The following ADAMTS15 variants were observed in gnomAD, a reference collection of about 807,000 sequenced individuals.
ADAMTS15 encodes A disintegrin and metalloproteinase with thrombospondin motifs 15.
Under a neutral mutation model 79.1 loss-of-function variants are expected in ADAMTS15, and 35 were observed. The ratio of observed to expected loss-of-function variants is 0.44; its 90% CI spans 0.34 to 0.59. The LOEUF (loss-of-function observed/expected upper bound fraction) is 0.59, where lower values mean the gene tolerates loss of function less well. ADAMTS15 is among the 20% of genes least tolerant of loss of function. The pLI is 0.02. For missense variants in ADAMTS15, 1,324 were observed against 1,318.7 expected (o/e 1.00, Z -0.06); for synonymous variants, 616 against 567.3 (o/e 1.09, Z -1.22).
chr11:130,468,561 C>A (rs1216366979), intron 4 of ADAMTS15, among the ~76,000 whole-genome samples: 1 of 151,514 alleles, frequency 6.6e-6, no homozygotes, highest in African/African-American at 2.4e-5. Flanking sequence ...GTCAGGAGAT[C>A]GAGACCTTCC....
At chr11:130,467,022 C>G (rs4471430) in intron 4 of ADAMTS15, among the ~76,000 whole-genome samples, 26,223 of 152,176 alleles carry the variant, frequency 0.17, 2,890 homozygotes, top group African/African-American at 0.31. Context: ...TCTGTCTCCC[C>G]ACTAGGGAGT....
intron 5 of ADAMTS15, 133 bp from the exon 6 acceptor site, chr11:130,470,787 G>A (rs7926619): frequency 0.12 from 117,256 of 982,594 alleles, 7,716 homozygotes; most frequent in Non-Finnish European, 0.14. Context: ...CTTTCAGATG[G>A]GGGGAGGTTG....
At chr11:130,450,558 C>T (rs1246992458) in intron 1 of ADAMTS15, among the ~76,000 whole-genome samples, 3 of 152,210 alleles carry the variant, frequency 2.0e-5, no homozygotes, top group South Asian at 4.1e-4. Flanking sequence ...GCTTCTCCTA[C>T]AGACTTCTCT....
chr11:130,473,624 G>A lies in ADAMTS15; in HGVS notation c.2656G>A (p.Glu886Lys). 4 of 1,609,680 alleles carry A rather than the reference G, an allele frequency of 2.5e-6. No individual in the cohort carries two copies. Among genetic ancestry groups the A allele is most frequent in the Non-Finnish European group, 3.4e-6 (4 of 1,179,776 alleles). ...PACDAAHRPV[E>K]TQACGEPCPT... ...CTGTGATGCAGCCCATCGGCCCGTG[G>A]AGACACAAGCCTGCGGGGAGCCCTG... is the stretch of plus-strand genomic sequence containing the variant. Residue 886 changes from glutamate to lysine, a missense_variant, in exon 8 of 8, where the codon GAG (glutamate) becomes AAG (lysine). By Grantham distance (56) the Glu-to-Lys change is moderately conservative (BLOSUM62 1). Transcript: ENST00000299164.
At chr11:130,460,675 C>G (rs971397593) in intron 1 of ADAMTS15, among the ~76,000 whole-genome samples, 1 of 152,158 alleles carries the variant, frequency 6.6e-6, no homozygotes, top group African/African-American at 2.4e-5. Context: ...TTCTGGCCAA[C>G]GATGCTCAGT....
At chr11:130,458,712 T>C (rs1307693480) in intron 1 of ADAMTS15, among the ~76,000 whole-genome samples, 1 of 152,286 alleles carries the variant, frequency 6.6e-6, no homozygotes, top group East Asian at 1.9e-4. Context: ...GACCGGAATC[T>C]AGACTTCTTG....
chr11:130,473,610 C>T lies in ADAMTS15; in HGVS notation c.2642C>T (p.Ala881Val). The change falls in exon 8 of 8, where the codon GCC becomes GTC. Residue 881 changes from alanine to valine, a missense_variant. Ala to Val is a moderately conservative substitution (Grantham distance 64). Transcript: ENST00000299164. ...GQRTVPACDA[A>V]HRPVETQACG... ...CGCACGGTCCCTGCCTGTGATGCAG[C>T]CCATCGGCCCGTGGAGACACAAGCC... 2 of 1,609,640 alleles carry T rather than the reference C, an allele frequency of 1.2e-6. No individual in the cohort carries two copies. The highest frequency in any genetic ancestry group is 1.7e-6 in the Non-Finnish European group (2 of 1,179,316).
At chr11:130,470,148 ATATG>A (rs1230382882) in intron 5 of ADAMTS15, among the ~76,000 whole-genome samples, 1 of 59,584 alleles carries the variant, frequency 1.7e-5, no homozygotes, top group Non-Finnish European at 3.1e-5. Context: ...ATATATATAT[ATATG>A]TGTATATATA....
chr11:130,465,375 A>T (rs1376679623), intron 4 of ADAMTS15, among the ~76,000 whole-genome samples: 7 of 152,124 alleles, frequency 4.6e-5, no homozygotes, highest in African/African-American at 1.7e-4. Context: ...GACATCGCTG[A>T]TCAATTCTCT....
At chr11:130,463,735 G>A (rs1938249763) in intron 4 of ADAMTS15, among the ~76,000 whole-genome samples, 1 of 152,180 alleles carries the variant, frequency 6.6e-6, no homozygotes, top group African/African-American at 2.4e-5. Context: ...AACCCACTGT[G>A]TTCAGGGAAC....
At position 130,473,641 on chromosome 11, in the gene ADAMTS15, G is replaced by T; in HGVS notation, c.2673G>T (p.Gly891=). 6.2e-7 allele frequency: 1 copy of T among 1,608,152 alleles called. No individual in the cohort carries two copies. ...GGCCCGTGGAGACACAAGCCTGCGG[G>T]GAGCCCTGCCCCACCTGGGAGCTCA... ...AHRPVETQAC[G]EPCPTWELSA... is the part of the protein sequence containing the mutation. The change falls in exon 8 of 8, where the codon GGG becomes GGT. Residue 891 remains glycine (G), a synonymous_variant. Transcript: ENST00000299164.
rs540440832 is a variant in ADAMTS15 at position 130,473,926 on chromosome 11, G to C, written c.*105G>C. 1.4e-6 allele frequency: 2 copies of C among 1,396,028 alleles called. No homozygotes were observed. The highest frequency in any genetic ancestry group is 5.0e-5 in the East Asian group (2 of 39,952). The allele number at this position is 1,396,028 out of a possible 1,614,324, so 86.5% of individuals were successfully genotyped here. On this transcript the variant is annotated 3_prime_UTR_variant, in exon 8 of 8. Transcript: ENST00000299164. ...GACGGTGGCCAGGGGCTCACGCCAC[G>C]ATGTCACCCACATCCGGGGACAAGG... is the stretch of plus-strand genomic sequence containing the variant.
chr11:130,449,674 A>G lies in ADAMTS15; in HGVS notation c.701A>G (p.His234Arg), dbSNP rs1279607852. Residue 234 changes from histidine to arginine, a missense_variant, in exon 1 of 8, where the codon CAC (histidine) becomes CGC (arginine). By Grantham distance (29) the His-to-Arg change is conservative. Transcript: ENST00000299164. The surrounding 1 kb of genome is among the most constrained non-coding windows in gnomAD (Gnocchi z 7.8). Reference sequence around the variant, plus strand: ...GCGGACGAGTCAATGGTCAAGTTCCACGGCGCGGACCTGGAACATTATCTG... The same window carrying G: ...GCGGACGAGTCAATGGTCAAGTTCCGCGGCGCGGACCTGGAACATTATCTG... ...VVADESMVKF[H>R]GADLEHYLLT... is the part of the protein sequence containing the mutation. The G allele has an allele frequency of 1.2e-5, 19 of 1,602,058 alleles. No individual in the cohort carries two copies. The East Asian group carries it at 4.3e-4, about 36-fold the overall frequency.
At chr11:130,456,988 T>A (rs1938094445) in intron 1 of ADAMTS15, among the ~76,000 whole-genome samples, 1 of 152,044 alleles carries the variant, frequency 6.6e-6, no homozygotes, top group African/African-American at 2.4e-5. Flanking sequence ...ATCCCAGCAC[T>A]TTGGGAGGCT....
rs1372399275 is a variant in ADAMTS15, at chr11:130,449,422, A to G, written c.449A>G (p.Asn150Ser). ...GCTAGCGCGCCGGCGGCGCAGCGCA[A>G]CAGCCAGGGCGCACACCTTCTCCAG... ...PNASAPAAQR[N>S]SQGAHLLQRR... is the part of the protein sequence containing the mutation. The change falls in exon 1 of 8, where the codon AAC becomes AGC. Residue 150 changes from asparagine (N) to serine (S), a missense_variant. Coordinates refer to ENST00000299164, the MANE Select transcript of ADAMTS15 (RefSeq NM_139055.4). This position sits in a 1 kb window ranked among gnomAD's most constrained non-coding sequence, Gnocchi z 7.8. 2.5e-6 allele frequency: 4 copies of G among 1,596,220 alleles called. No individual in the cohort carries two copies. The highest frequency in any genetic ancestry group is 3.4e-6 in the Non-Finnish European group (4 of 1,176,270).
rs1016729182 is a variant in ADAMTS15, at chr11:130,473,376, A to C, written c.2408A>C (p.Glu803Ala). The stretch of plus-strand genomic sequence containing the variant: ...CGCTACTCCTTCTATCTGCCCAAAG[A>C]GCCTCGGGAGGACAAGTCCTCTCAT... ...RVRYSFYLPK[E>A]PREDKSSHPK... The change falls in exon 8 of 8, where the codon GAG (glutamate) becomes GCG (alanine). Residue 803 changes from glutamate to alanine, a missense_variant. Glu to Ala is a moderately radical substitution (Grantham distance 107). Coordinates refer to ENST00000299164, the MANE Select transcript of ADAMTS15 (RefSeq NM_139055.4). The C allele has an allele frequency of 2.5e-6, 4 of 1,612,800 alleles. No individual in the cohort carries two copies. Among genetic ancestry groups the C allele is most frequent in the South Asian group, 1.1e-5 (1 of 91,082 alleles).
At chr11:130,461,309 G>T (rs1003753379) in intron 1 of ADAMTS15, among the ~76,000 whole-genome samples, 180 bp from the exon 2 acceptor site, 3 of 152,188 alleles carry the variant, frequency 2.0e-5, no homozygotes, top group Non-Finnish European at 4.4e-5. Context: ...CAGCCAGGTT[G>T]ATTCTGTGAA....
In ADAMTS15 at chr11:130,448,966, C is replaced by A; in HGVS notation, c.-8C>A. On this transcript the variant is annotated 5_prime_UTR_variant, in exon 1 of 8. Transcript: ENST00000299164. ...TTCCCACAGCGCGGCGGTGCGCTGC[C>A]CGGCGCCATGCTTCTGCTGGGCATC... The A allele has an allele frequency of 6.7e-7, 1 of 1,491,442 alleles. No individual in the cohort carries two copies. Among genetic ancestry groups the A allele is most frequent in the Non-Finnish European group, 8.9e-7 (1 of 1,122,228 alleles). The allele number at this position is 1,491,442 out of a possible 1,614,324, so 92.4% of individuals were successfully genotyped here. A position where few individuals can be genotyped will look rare whatever the true frequency, so the allele number is the denominator to read the frequency against.
chr11:130,467,553 A>T (rs988254168), intron 4 of ADAMTS15, among the ~76,000 whole-genome samples: 4 of 152,198 alleles, frequency 2.6e-5, no homozygotes, highest in African/African-American at 9.7e-5. Flanking sequence ...TTTCCATCAC[A>T]TGCAGCCAGT....
Sources: gnomAD v4.1 joint callset for allele counts (sites outside exome capture counted in the v4.1 genomes callset) on GRCh38, gnomAD v4.1.1 for gene constraint, Gnocchi (gnomAD v3.1) non-coding constraint, MANE v1.5 for transcripts, NCBI Gene and HGNC (gene_info 2026-07-23, HGNC 2026-07-21) for gene names.